Variants in NLRP5 observed in about 807,000 individuals in gnomAD.
The protein encoded by NLRP5 is NLR family pyrin domain containing 5.
NLRP5 carries 93 observed loss-of-function variants against 113.1 expected under a neutral mutation model. The observed-to-expected ratio is 0.82, with a 90% CI of 0.70 to 0.98. The LOEUF (loss-of-function observed/expected upper bound fraction) is 0.98, where lower values mean the gene tolerates loss of function less well. NLRP5 is among the 50% of genes least tolerant of loss of function. NLRP5 has a pLI of 0.00. For synonymous variants in NLRP5, 751 were observed against 600.7 expected, an observed-to-expected ratio of 1.25 and a Z score of -3.66; for missense variants, 1,808 against 1,514.3, an observed-to-expected ratio of 1.19 and a Z score of -3.22.
At chr19:56,056,740 A>G (rs972306610) in intron 13 of NLRP5, among the ~76,000 whole-genome samples, 28 of 152,290 alleles carry the variant, frequency 1.8e-4, no homozygotes, top group African/African-American at 6.3e-4. Flanking sequence ...ATGCTTAGAT[A>G]TTATTTTAGA....
At chr19:56,046,556 T>G (rs1373660665) in intron 11 of NLRP5, among the ~76,000 whole-genome samples, 1 of 151,422 alleles carries the variant, frequency 6.6e-6, no homozygotes, top group East Asian at 1.9e-4. Context: ...GTTTTTTTTT[T>G]CTGACACGGA....
chr19:55,990,554 C>A, the NLRP5 span, among the ~76,000 whole-genome samples: 1 of 151,868 alleles, frequency 6.6e-6, no homozygotes. Context: ...AGGCCGGGCA[C>A]GGTGGCTCAT....
intron 3 of NLRP5, among the ~76,000 whole-genome samples, chr19:56,012,910 G>T (rs1436083679): frequency 6.6e-6 from 1 of 152,110 alleles, no homozygotes; most frequent in African/African-American, 2.4e-5. Flanking sequence ...CTTTTTTAAA[G>T]TTGAGAGAAA....
At chr19:56,017,858 G>A (rs1200835231) in intron 4 of NLRP5, among the ~76,000 whole-genome samples, 2 of 152,174 alleles carry the variant, frequency 1.3e-5, no homozygotes, top group Non-Finnish European at 1.5e-5. Context: ...CTGTCTCCCA[G>A]GATGGAGTGC....
intron 6 of NLRP5, among the ~76,000 whole-genome samples, chr19:56,025,299 C>T (rs1320677103): frequency 6.6e-6 from 1 of 152,126 alleles, no homozygotes; most frequent in African/African-American, 2.4e-5. Flanking sequence ...AAACCGGTCC[C>T]TGGTGCCAAA....
intron 14 of NLRP5, 142 bp from the exon 15 acceptor site, chr19:56,061,254 C>T: frequency 1.4e-6 from 1 of 732,698 alleles, no homozygotes; most frequent in Non-Finnish European, 2.1e-6. Context: ...ATTTGTTAGT[C>T]ATTGGTTTAA....
intron 7 of NLRP5, among the ~76,000 whole-genome samples, chr19:56,031,645 AAT>A (rs1983119726): frequency 6.6e-6 from 1 of 151,672 alleles, no homozygotes; most frequent in Non-Finnish European, 1.5e-5. Flanking sequence ...AAAAAAAAAA[AAT>A]GTAGACTCAT....
chr19:56,044,442 A>G (rs754331900), intron 11 of NLRP5, among the ~76,000 whole-genome samples: 2 of 152,196 alleles, frequency 1.3e-5, no homozygotes, highest in Non-Finnish European at 2.9e-5. Context: ...GTGGCTAGCC[A>G]ATTATCTCAG....
upstream of NLRP5, among the ~76,000 whole-genome samples, chr19:55,999,215 T>TTTC (rs1555762563): frequency 1.4e-5 from 2 of 145,000 alleles, no homozygotes; most frequent in Non-Finnish European, 3.0e-5. Context: ...TCTTTTTCTT[T>TTTC]TTTTTTTTTT....
rs755176200 is a variant in NLRP5, at chr19:56,028,289, G to C, written c.2056G>C (p.Asp686His). ...TGCCACCACCCCAGGAGACACCCTG[G>C]ACGCCTTCCACTGTCTTTTCGAGAC... Residue 686 changes from aspartate to histidine, a missense_variant, in exon 7 of 15, where the codon GAC becomes CAC. Asp to His is a moderately conservative substitution (Grantham distance 81). Transcript: ENST00000390649. 6.2e-7 allele frequency: 1 copy of C among 1,613,952 alleles called. No homozygotes were observed.
chr19:56,012,922 T>C (rs1018874620), intron 3 of NLRP5, among the ~76,000 whole-genome samples: 5 of 152,146 alleles, frequency 3.3e-5, no homozygotes, highest in Non-Finnish European at 5.9e-5. Context: ...TGAGAGAAAA[T>C]TCATATATCA....
upstream of NLRP5, among the ~76,000 whole-genome samples, chr19:55,996,231 TTTC>T (rs779203032): frequency 1.3e-5 from 2 of 152,334 alleles, no homozygotes; most frequent in African/African-American, 4.8e-5. Context: ...GGGAAAAGGC[TTTC>T]TTCTTTTCCA....
intron 9 of NLRP5, among the ~76,000 whole-genome samples, chr19:56,035,493 T>C (rs904161119): frequency 1.2e-4 from 18 of 152,184 alleles, no homozygotes; most frequent in African/African-American, 4.3e-4. Context: ...GCACCACAAG[T>C]GCAGAGAGCT....
rs373449164 is a variant in NLRP5 at position 56,061,533 on chromosome 19, A to G, written c.*5A>G. The G allele has an allele frequency of 7.4e-6, 12 of 1,613,832 alleles. No homozygotes were observed. The highest frequency in any genetic ancestry group is 9.3e-6 in the Non-Finnish European group (11 of 1,179,862). On this transcript the variant is annotated 3_prime_UTR_variant, in exon 15 of 15. Transcript: ENST00000390649. Reference sequence around the variant, plus strand: ...CGGTACTGGTGGAAAAACTGAAGATACGGAAACCTGCCCCACTCACACCCA... The same window carrying G: ...CGGTACTGGTGGAAAAACTGAAGATGCGGAAACCTGCCCCACTCACACCCA...
chr19:56,044,107 A>G (rs1983633164), intron 11 of NLRP5, among the ~76,000 whole-genome samples: 1 of 146,932 alleles, frequency 6.8e-6, no homozygotes, highest in Non-Finnish European at 1.5e-5. Context: ...TCTGTCACCC[A>G]GGCTGGAGTG....
At position 56,054,258 on chromosome 19, in the gene NLRP5, TGAAAA is replaced by T. The variant is rs576451133; in HGVS notation, c.3299+457_3299+461del. The stretch of plus-strand genomic sequence containing the variant: ...AATATAGTGGACTATGGTTCAGCCA[TGAAAA>T]GAAAAGTGCTGAGGCTGGGCACAGG... On this transcript the variant is annotated intron_variant, in intron 13 of 14. Coordinates refer to ENST00000390649, the MANE Select transcript of NLRP5 (RefSeq NM_153447.4). Among the ~76,000 whole-genome samples the T allele has an allele frequency of 2.2e-4, 33 of 151,974 alleles. No individual in the cohort carries two copies. The East Asian group carries it at 6.4e-3, about 30-fold the overall frequency.
intron 4 of NLRP5, among the ~76,000 whole-genome samples, chr19:56,017,239 C>G (rs185416757): frequency 1.2e-4 from 18 of 152,276 alleles, no homozygotes; most frequent in Admixed American, 5.2e-4. Flanking sequence ...TTTCAAAGAA[C>G]AAACTGGTAG....
chr19:56,023,702 G>T (rs1056515804), intron 6 of NLRP5, among the ~76,000 whole-genome samples: 1 of 152,176 alleles, frequency 6.6e-6, no homozygotes, highest in South Asian at 2.1e-4. Context: ...GAGGATGTGC[G>T]TAGGTTATAT....
intron 4 of NLRP5, among the ~76,000 whole-genome samples, chr19:56,017,152 C>G (rs1224130455): frequency 2.0e-5 from 3 of 152,176 alleles, no homozygotes; most frequent in Non-Finnish European, 4.4e-5. Flanking sequence ...GACCCTCTTT[C>G]ATTCCCGACT....
Sources: gnomAD v4.1 joint callset for allele counts (sites outside exome capture counted in the v4.1 genomes callset) on GRCh38, gnomAD v4.1.1 for gene constraint, MANE v1.5 for transcripts, NCBI Gene and HGNC (gene_info 2026-07-23, HGNC 2026-07-21) for gene names.